LRFN5: variants seen among roughly 807,000 people sequenced by gnomAD.
The protein encoded by LRFN5 is leucine rich repeat and fibronectin type III domain containing 5.
A neutral mutation model predicts 45.6 loss-of-function variants in LRFN5; 24 were observed. The observed-to-expected ratio is 0.53, with a 90% CI of 0.38 to 0.74. The LOEUF is 0.74. Among genes scored for constraint, LRFN5 ranks in the 30% least tolerant of loss-of-function variants. The pLI is 0.00. For synonymous variants in LRFN5, 340 were observed against 313.8 expected (o/e 1.08, Z -0.88); for missense variants, 776 against 861.5 (o/e 0.90, Z 1.24).
At chr14:41,893,857 A>G (rs927149875) in intron 4 of LRFN5, 3 of 985,350 alleles carry the variant, frequency 3.0e-6, no homozygotes, top group Admixed American at 6.1e-5. Flanking sequence ...GCAAAGTCTA[A>G]TTATCCTTCA....
Position 41,887,959 on chromosome 14 carries a change from G to GT in LRFN5, c.1335dup (p.Met446TyrfsTer11). 1 of 1,613,298 alleles carries GT rather than the reference G, an allele frequency of 6.2e-7. No individual in the cohort carries two copies. Among genetic ancestry groups the GT allele is most frequent in the Non-Finnish European group, 8.5e-7 (1 of 1,179,592 alleles). ...TTTCAAAGAAATATCCCTGGAATAC[G>GT]TATGTTTCAAATCCAGTACAATGGT... On this transcript the variant is annotated frameshift_variant, in exon 3 of 6. Transcript: ENST00000298119. LOFTEE classifies it high-confidence loss of function. The surrounding 1 kb of genome is among the most constrained non-coding windows in gnomAD (Gnocchi z 4.8).
At chr14:41,768,374 G>A (rs1247972053) in intron 2 of LRFN5, among the ~76,000 whole-genome samples, 2 of 152,078 alleles carry the variant, frequency 1.3e-5, no homozygotes, top group Non-Finnish European at 2.9e-5. Context: ...TGTGATGATG[G>A]TGTAAAATGA....
intron 1 of LRFN5, among the ~76,000 whole-genome samples, chr14:41,680,907 T>G (rs1881855449): frequency 6.6e-6 from 1 of 151,736 alleles, no homozygotes; most frequent in African/African-American, 2.4e-5. Context: ...TCAGACAAAT[T>G]TAACAAAGAG....
intron 1 of LRFN5, among the ~76,000 whole-genome samples, chr14:41,753,749 A>G (rs1367832507): frequency 6.6e-6 from 1 of 152,042 alleles, no homozygotes; most frequent in African/African-American, 2.4e-5. Context: ...CTAATTGAAT[A>G]CCCTTTATTT....
chr14:41,861,740 A>G (rs933257551), intron 2 of LRFN5, among the ~76,000 whole-genome samples: 53 of 152,184 alleles, frequency 3.5e-4, no homozygotes, highest in African/African-American at 1.1e-3. Flanking sequence ...GTAGATTGTA[A>G]TATGCAGAAT....
intron 1 of LRFN5, among the ~76,000 whole-genome samples, chr14:41,666,085 T>G (rs1435442424): frequency 6.6e-6 from 1 of 152,004 alleles, no homozygotes; most frequent in East Asian, 1.9e-4. Context: ...CACATAAAAA[T>G]TCATTTTACT....
chr14:41,794,577 G>A (rs1472022101), intron 2 of LRFN5, among the ~76,000 whole-genome samples: 1 of 152,112 alleles, frequency 6.6e-6, no homozygotes. Context: ...GTGCATAAAG[G>A]AATACAGAAA....
intron 1 of LRFN5, among the ~76,000 whole-genome samples, chr14:41,743,310 A>G (rs1884785692): frequency 6.6e-6 from 1 of 151,214 alleles, no homozygotes; most frequent in Admixed American, 6.6e-5. Context: ...GTGATCAGAT[A>G]TGAAATATAC....
intron 1 of LRFN5, among the ~76,000 whole-genome samples, chr14:41,626,868 A>G (rs976210062): frequency 2.6e-5 from 4 of 152,158 alleles, no homozygotes; most frequent in Non-Finnish European, 5.9e-5. Flanking sequence ...ATAGAAAAAA[A>G]CACTGAATTC....
At chr14:41,885,780 G>A (rs990469801) in intron 2 of LRFN5, among the ~76,000 whole-genome samples, 4 of 152,028 alleles carry the variant, frequency 2.6e-5, no homozygotes, top group African/African-American at 4.8e-5. Flanking sequence ...ACTTTGGGAG[G>A]CTGAAGCGGG....
chr14:41,680,152 G>C (rs1245906097), intron 1 of LRFN5, among the ~76,000 whole-genome samples: 1 of 152,144 alleles, frequency 6.6e-6, no homozygotes, highest in African/African-American at 2.4e-5. Context: ...CTGGATTCTG[G>C]ACAACATCTC....
chr14:41,815,852 C>A (rs1887898977), intron 2 of LRFN5, among the ~76,000 whole-genome samples: 1 of 152,080 alleles, frequency 6.6e-6, no homozygotes, highest in African/African-American at 2.4e-5. Flanking sequence ...TTGTTAATTT[C>A]TGTTTTCTAA....
intron 5 of LRFN5, 116 bp from the exon 6 acceptor site, chr14:41,904,042 T>C (rs999734610): frequency 1.6e-5 from 13 of 805,802 alleles, no homozygotes; most frequent in Admixed American, 1.2e-4. Flanking sequence ...AACTCCTCCT[T>C]GGGTGCTTAC....
intron 2 of LRFN5, among the ~76,000 whole-genome samples, chr14:41,833,811 A>G (rs1888567678): frequency 6.6e-6 from 1 of 152,160 alleles, no homozygotes; most frequent in Admixed American, 6.5e-5. Flanking sequence ...ATCTCTTGGT[A>G]GGGAGAGAGT....
At chr14:41,814,976 G>A (rs929664706) in intron 2 of LRFN5, among the ~76,000 whole-genome samples, 1 of 152,010 alleles carries the variant, frequency 6.6e-6, no homozygotes, top group Non-Finnish European at 1.5e-5. Context: ...ATCGAAAAAA[G>A]CATGGATGGC....
At chr14:41,861,052 A>G (rs1200200032) in intron 2 of LRFN5, among the ~76,000 whole-genome samples, 3 of 152,152 alleles carry the variant, frequency 2.0e-5, no homozygotes, top group African/African-American at 7.2e-5. Context: ...TCTATCTGGA[A>G]CACTTCTTCA....
intron 2 of LRFN5, among the ~76,000 whole-genome samples, chr14:41,852,352 G>A (rs1395021487): frequency 1.3e-5 from 2 of 151,748 alleles, no homozygotes; most frequent in African/African-American, 4.8e-5. Flanking sequence ...CAACATTAAA[G>A]CGAAATAATT....
chr14:41,830,623 G>A (rs1888445166), intron 2 of LRFN5, among the ~76,000 whole-genome samples: 2 of 152,106 alleles, frequency 1.3e-5, no homozygotes, highest in African/African-American at 2.4e-5. Flanking sequence ...ATAGCACTTG[G>A]AGAGTCAGAG....
At chr14:41,818,591 A>G (rs544736609) in intron 2 of LRFN5, among the ~76,000 whole-genome samples, 1 of 152,136 alleles carries the variant, frequency 6.6e-6, no homozygotes, top group East Asian at 1.9e-4. Flanking sequence ...CTTAAGTAGT[A>G]TGTGGGCTAA....
Sources: allele counts gnomAD v4.1 joint callset (sites outside exome capture counted in the v4.1 genomes callset), GRCh38; gene constraint gnomAD v4.1.1; non-coding constraint Gnocchi (gnomAD v3.1); transcripts MANE v1.5; gene names NCBI Gene and HGNC (gene_info 2026-07-23, HGNC 2026-07-21).